RPN1: variants seen among roughly 807,000 people sequenced by gnomAD.
RPN1 encodes ribophorin I.
In RPN1, 12 loss-of-function variants were observed where a neutral mutation model predicts 55.5. The observed-to-expected ratio is 0.22, with a 90% CI of 0.14 to 0.35. The LOEUF is 0.35. Ranked by LOEUF, RPN1 falls within the 10% of genes least tolerant of loss-of-function variation. RPN1 has a pLI of 1.00. For synonymous variants in RPN1, 317 were observed against 305.9 expected (o/e 1.04, Z -0.38); for missense variants, 679 against 761.3 (o/e 0.89, Z 1.27).
intron 1 of RPN1, among the ~76,000 whole-genome samples, chr3:128,646,547 C>T (rs908606063): frequency 3.3e-5 from 5 of 151,670 alleles, no homozygotes; most frequent in Admixed American, 1.3e-4. Flanking sequence ...ATTAGCTGGG[C>T]GTGGTGGCAG....
At chr3:128,624,804 C>A (rs1445742463) in intron 8 of RPN1, among the ~76,000 whole-genome samples, 1 of 152,104 alleles carries the variant, frequency 6.6e-6, no homozygotes, top group Non-Finnish European at 1.5e-5. Context: ...CCACTGCACT[C>A]CAGCATGGCA....
Position 128,622,477 on chromosome 3 carries a change from A to G in RPN1, c.1396-68T>C, listed in dbSNP as rs567631338. On this transcript the variant is annotated intron_variant, in intron 8 of 9. Transcript: ENST00000296255. ...GGGTCCACTCTGACCTTATCTCCCAAAGAACATCTGCCACCAGCAGCCATC... is the reference window on the plus strand; with the variant it reads ...GGGTCCACTCTGACCTTATCTCCCAGAGAACATCTGCCACCAGCAGCCATC... The G allele has an allele frequency of 2.9e-5, 46 of 1,584,190 alleles. No individual in the cohort carries two copies. In the East Asian group the frequency reaches 7.6e-4, roughly 26 times the overall value.
At chr3:128,645,886 C>A (rs1372354600) in intron 1 of RPN1, among the ~76,000 whole-genome samples, 2 of 152,102 alleles carry the variant, frequency 1.3e-5, no homozygotes, top group African/African-American at 2.4e-5. Flanking sequence ...AGGCCTCTTT[C>A]TTGATGCTTT....
chr3:128,635,606 A>C (rs1475727213), intron 3 of RPN1, among the ~76,000 whole-genome samples: 1 of 132,552 alleles, frequency 7.5e-6, no homozygotes, highest in Non-Finnish European at 1.6e-5. Context: ...TGCCCCTATA[A>C]CTTGAGATAT....
chr3:128,635,629 A>C (rs866232080), intron 3 of RPN1, among the ~76,000 whole-genome samples: 4 of 25,126 alleles, frequency 1.6e-4, no homozygotes, highest in African/African-American at 8.7e-4. Flanking sequence ...ATATATATAT[A>C]TATATATATA....
intron 1 of RPN1, among the ~76,000 whole-genome samples, chr3:128,646,076 C>T (rs1289291298): frequency 6.6e-6 from 1 of 151,538 alleles, no homozygotes; most frequent in Non-Finnish European, 1.5e-5. Context: ...AACCCCATCT[C>T]TACTAAAAAA....
Position 128,638,088 on chromosome 3 carries a change from A to C in RPN1, c.344T>G (p.Val115Gly). The C allele has an allele frequency of 6.2e-7, 1 of 1,612,800 alleles. No homozygotes were observed. Reference protein sequence around the residue: ...IKGKSGRFFTVKLPVALDPGA... With the variant: ...IKGKSGRFFTGKLPVALDPGA... ...AGGATCAAGAGCAACTGGGAGCTTG[A>C]CTGTGAAGAATCTCCCACTAAAGGA... Residue 115 changes from valine to glycine, a missense_variant, in exon 3 of 10, where the codon GTC (valine) becomes GGC (glycine). Physicochemically the swap from Val to Gly is moderately radical, Grantham distance 109. This residue lies in a region of RPN1 where 352 missense variants were observed against 352.8 expected (regional missense o/e 1.00). Coordinates refer to ENST00000296255, the MANE Select transcript of RPN1 (RefSeq NM_002950.4).
intron 8 of RPN1, 83 bp from the exon 9 acceptor site, chr3:128,622,492 C>A: frequency 1.3e-6 from 2 of 1,540,148 alleles, no homozygotes; most frequent in Non-Finnish European, 1.8e-6. Context: ...CATCTGCCAC[C>A]AGCAGCCATC....
intron 8 of RPN1, among the ~76,000 whole-genome samples, chr3:128,623,161 T>G (rs2107712965): frequency 6.6e-6 from 1 of 152,158 alleles, no homozygotes; most frequent in Non-Finnish European, 1.5e-5. Flanking sequence ...TCCCCACACT[T>G]TGGGCAGCTG....
At chr3:128,626,633 G>T in intron 6 of RPN1, 100 bp downstream of exon 6, 1 of 994,018 alleles carries the variant, frequency 1.0e-6, no homozygotes, top group Non-Finnish European at 1.6e-6. Flanking sequence ...AGAGAAAAGT[G>T]ACACAAAGAC....
At chr3:128,623,990 TACACACACAC>T (rs377398264) in intron 8 of RPN1, among the ~76,000 whole-genome samples, 5 of 150,714 alleles carry the variant, frequency 3.3e-5, no homozygotes, top group African/African-American at 7.3e-5. Flanking sequence ...CAGAAATAAT[TACACACACAC>T]ACACGCACAC....
chr3:128,624,490 AAAAAGAAAACG>A (rs985504427), intron 8 of RPN1, among the ~76,000 whole-genome samples: 1 of 150,792 alleles, frequency 6.6e-6, no homozygotes, highest in Non-Finnish European at 1.5e-5. Flanking sequence ...AGGAAAAAAA[AAAAAGAAAACG>A]AAAAGAAAAA....
At chr3:128,648,258 G>C (rs1300564349) in intron 1 of RPN1, among the ~76,000 whole-genome samples, 1 of 152,146 alleles carries the variant, frequency 6.6e-6, no homozygotes, top group East Asian at 1.9e-4. Flanking sequence ...AGCTGGGCGT[G>C]GCAGCACGCG....
At chr3:128,629,220 A>AT (rs2069624347) in intron 5 of RPN1, among the ~76,000 whole-genome samples, 2 of 152,050 alleles carry the variant, frequency 1.3e-5, no homozygotes, top group African/African-American at 4.8e-5. Context: ...TGAGCTATAC[A>AT]TTTTTTGTAT....
At chr3:128,633,790 C>G (rs1284325799) in intron 3 of RPN1, among the ~76,000 whole-genome samples, 1 of 151,976 alleles carries the variant, frequency 6.6e-6, no homozygotes, top group East Asian at 1.9e-4. Context: ...TGAGACCAGC[C>G]TGGCCAATAT....
At chr3:128,628,850 C>T (rs1401604073) in intron 5 of RPN1, among the ~76,000 whole-genome samples, 2 of 151,798 alleles carry the variant, frequency 1.3e-5, no homozygotes, top group Non-Finnish European at 2.9e-5. Flanking sequence ...GGCATGATGG[C>T]GGGTGCCTGT....
chr3:128,635,652 T>TAG (rs1559755860), intron 3 of RPN1, among the ~76,000 whole-genome samples: 11 of 87,248 alleles, frequency 1.3e-4, no homozygotes, highest in African/African-American at 4.9e-4. Context: ...TATATATATA[T>TAG]ATATATATAT....
intron 2 of RPN1, chr3:128,641,199 G>C (rs533212614): frequency 6.6e-6 from 1 of 151,798 alleles, no homozygotes; most frequent in Non-Finnish European, 1.5e-5. Flanking sequence ...GATTTACTGA[G>C]AACCCCATAT....
chr3:128,636,966 A>T (rs1399485799), intron 3 of RPN1, among the ~76,000 whole-genome samples: 1 of 152,200 alleles, frequency 6.6e-6, no homozygotes, highest in Non-Finnish European at 1.5e-5. Context: ...GCCAGGGACC[A>T]TGGCTCATGC....
Sources: allele counts gnomAD v4.1 joint callset (sites outside exome capture counted in the v4.1 genomes callset), GRCh38; gene constraint gnomAD v4.1.1; regional missense constraint gnomAD v4.1.1; transcripts MANE v1.5; gene names NCBI Gene and HGNC (gene_info 2026-07-23, HGNC 2026-07-21).